ANAPC15: variants seen among roughly 807,000 people sequenced by gnomAD.
ANAPC15 encodes anaphase promoting complex subunit 15, also known as anaphase-promoting complex subunit 15.
ANAPC15 carries 13 observed loss-of-function variants against 19.8 expected under a neutral mutation model. That is an observed-to-expected ratio of 0.66 (90% CI 0.43 to 1.04). ANAPC15 has a LOEUF of 1.04. ANAPC15 is among the 50% of genes least tolerant of loss of function. The pLI, the probability that ANAPC15 is intolerant of heterozygous loss-of-function variation, is 0.00. For synonymous variants in ANAPC15, 45 were observed against 50.7 expected (o/e 0.89, Z 0.47); for missense variants, 88 against 150.3 (o/e 0.59, Z 2.17).
chr11:72,110,932 T>C, intron 3 of ANAPC15: 1 of 581,660 alleles, frequency 1.7e-6, no homozygotes. Flanking sequence ...GGGCTGAGTG[T>C]CAGCAGCCTG....
At chr11:72,108,259 T>A (rs1236702009), downstream of ANAPC15, 3 of 721,274 alleles carry the variant, frequency 4.2e-6, no homozygotes, top group African/African-American at 5.3e-5. Flanking sequence ...TGTGAGCTCC[T>A]GCCCTCCTGT....
chr11:72,111,116 T>A, intron 3 of ANAPC15, 41 bp downstream of exon 3: 6 of 1,369,660 alleles, frequency 4.4e-6, no homozygotes, highest in Non-Finnish European at 6.2e-6. Context: ...GAGGTCTCTG[T>A]CTGTGCTGAG....
Position 72,111,187 on chromosome 11 carries a change from C to T in ANAPC15, c.90G>A (p.Leu30=). The T allele has an allele frequency of 6.2e-7, 1 of 1,612,616 alleles. No homozygotes were observed. Among genetic ancestry groups the T allele is most frequent in the Non-Finnish European group, 8.5e-7 (1 of 1,178,640 alleles). ...CCTGATGCTGCTGTTCCTGCTGCTG[C>T]AGCTCTGTCTCTTCCACACAGGGTC... ...LDRPCVEETE[L]QQQEQQHQAW... Residue 30 remains leucine, a synonymous_variant, in exon 3 of 6, where the codon CTG becomes CTA. Transcript: ENST00000227618.
chr11:72,108,540 G>C, downstream of ANAPC15: 1 of 1,379,512 alleles, frequency 7.2e-7, no homozygotes, highest in Non-Finnish European at 9.5e-7. Context: ...GCCAGATCCT[G>C]GTGGGGTCTT....
chr11:72,107,186 G>C, downstream of ANAPC15: 5 of 489,040 alleles, frequency 1.0e-5, no homozygotes, highest in South Asian at 1.5e-4. Flanking sequence ...AGGATTGCCT[G>C]AGCCTGGGTG....
rs1481762194 is a variant in ANAPC15, at chr11:72,110,101, CCAT to C, written c.302_304del (p.Asp101del). On this transcript the variant is annotated inframe_deletion, in exon 5 of 6. Coordinates refer to ENST00000227618, the MANE Select transcript of ANAPC15 (RefSeq NM_014042.3). Reference sequence around the variant, plus strand: ...CCCCTTGCCTACCTCATTGACCTCTCCATCATCCGGTGACTCATTGTAGTCATT... The same window carrying C: ...CCCCTTGCCTACCTCATTGACCTCTCCATCCGGTGACTCATTGTAGTCATT... The C allele has an allele frequency of 1.9e-6, 3 of 1,614,200 alleles. No homozygotes were observed. The highest frequency in any genetic ancestry group is 2.5e-6 in the Non-Finnish European group (3 of 1,180,032).
intron 4 of ANAPC15, 108 bp from the exon 5 acceptor site, chr11:72,110,333 A>C: frequency 6.3e-7 from 1 of 1,581,694 alleles, no homozygotes; most frequent in South Asian, 1.1e-5. Flanking sequence ...CCCTACCCCG[A>C]CACTCCCTCC....
Position 72,111,424 on chromosome 11 carries a change from C to T in ANAPC15, c.-23G>A, listed in dbSNP as rs745614817. 53 of 648,756 alleles carry T rather than the reference C, an allele frequency of 8.2e-5. No individual in the cohort carries two copies. The highest frequency in any genetic ancestry group is 1.4e-4 in the Non-Finnish European group (51 of 363,774). The allele number at this position is 648,756 out of a possible 1,614,324, so 40.2% of individuals were successfully genotyped here. ...GAATCAGACAGACCTGGCTTTGAGT[C>T]CTGGCTCCACCACTTACTAGCTGTT... On this transcript the variant is annotated 5_prime_UTR_variant, in exon 2 of 6. Coordinates refer to ENST00000227618, the MANE Select transcript of ANAPC15 (RefSeq NM_014042.3).
At chr11:72,107,220 TC>T, downstream of ANAPC15, 1 of 558,560 alleles carries the variant, frequency 1.8e-6, no homozygotes, top group East Asian at 3.1e-5. Context: ...TGAGCCGTGA[TC>T]ATGCTACTGC....
chr11:72,109,281 A>T, downstream of ANAPC15: 1 of 461,896 alleles, frequency 2.2e-6, no homozygotes, highest in Non-Finnish European at 4.2e-6. Flanking sequence ...TGGATGGGAG[A>T]GCTCCAGGGG....
intron 1 of ANAPC15, among the ~76,000 whole-genome samples, chr11:72,111,761 AC>A (rs1262029631): frequency 6.6e-6 from 1 of 152,078 alleles, no homozygotes. Flanking sequence ...TACCACACCC[AC>A]CCAGTGTCAG....
chr11:72,111,146 T>A lies in ANAPC15; in HGVS notation c.120+11A>T, dbSNP rs935782959. 1 of 1,538,450 alleles carries A rather than the reference T, an allele frequency of 6.5e-7. No individual in the cohort carries two copies. ...GCTGAGGTCTCTGTGCTGTGCTAGC[T>A]GCTCACTCACCCAGGCCTGATGCTG... is the stretch of plus-strand genomic sequence containing the variant. On this transcript the variant is annotated intron_variant, in intron 3 of 5. Coordinates refer to ENST00000227618, the MANE Select transcript of ANAPC15 (RefSeq NM_014042.3).
intron 1 of ANAPC15, among the ~76,000 whole-genome samples, 197 bp from the exon 2 acceptor site, chr11:72,111,693 A>G (rs898374138): frequency 6.6e-6 from 1 of 152,120 alleles, no homozygotes; most frequent in African/African-American, 2.4e-5. Context: ...TTCTACTGAA[A>G]CTATCCCTAC....
chr11:72,108,671 C>A, downstream of ANAPC15: 1 of 1,532,696 alleles, frequency 6.5e-7, no homozygotes, highest in Non-Finnish European at 8.8e-7. Context: ...TCAGCTGAGT[C>A]GGGCAGACCT....
intron 3 of ANAPC15, 121 bp from the exon 4 acceptor site, chr11:72,110,724 T>A: frequency 4.0e-6 from 4 of 1,007,418 alleles, no homozygotes; most frequent in Non-Finnish European, 5.9e-6. Flanking sequence ...TTCCTCCCAG[T>A]TCTCAGGGAG....
At chr11:72,112,612 G>C in intron 1 of ANAPC15, 38 bp downstream of exon 1, 1 of 452,970 alleles carries the variant, frequency 2.2e-6, no homozygotes. Context: ...AGGAATGAAG[G>C]GGCAAGGAGA....
chr11:72,111,983 T>C (rs1364771728), intron 1 of ANAPC15: 1 of 152,694 alleles, frequency 6.5e-6, no homozygotes, highest in Non-Finnish European at 1.5e-5. Context: ...TGCCAGATAA[T>C]CTGAATTAAA....
chr11:72,107,952 A>G (rs1268430122), downstream of ANAPC15: 1 of 1,551,426 alleles, frequency 6.4e-7, no homozygotes. Context: ...GGTGGAGGAG[A>G]AGGCCCCTGC....
chr11:72,110,319 G>A, intron 4 of ANAPC15, 94 bp from the exon 5 acceptor site: 1 of 1,592,732 alleles, frequency 6.3e-7, no homozygotes, highest in Non-Finnish European at 8.5e-7. Flanking sequence ...GCCAATGAAT[G>A]ACCCCCTACC....
Sources: allele counts gnomAD v4.1 joint callset (sites outside exome capture counted in the v4.1 genomes callset), GRCh38; gene constraint gnomAD v4.1.1; transcripts MANE v1.5; gene names NCBI Gene and HGNC (gene_info 2026-07-23, HGNC 2026-07-21).